WWOX: variants seen among roughly 807,000 people sequenced by gnomAD.
The protein encoded by WWOX is WW domain-containing oxidoreductase.
Under a neutral mutation model 46.2 loss-of-function variants are expected in WWOX, and 69 were observed. That is an observed-to-expected ratio of 1.49 (90% CI 1.23 to 1.82). The LOEUF is 1.82. Ranked by LOEUF, WWOX falls within the 40% of genes most tolerant of loss-of-function variation. The pLI, the probability that WWOX is intolerant of heterozygous loss-of-function variation, is 0.00. For synonymous variants in WWOX, 359 were observed against 202.6 expected (o/e 1.77, Z -6.56); for missense variants, 919 against 542.6 (o/e 1.69, Z -6.89).
At chr16:78,693,862 C>A (rs2048042984) in intron 8 of WWOX, among the ~76,000 whole-genome samples, 1 of 152,080 alleles carries the variant, frequency 6.6e-6, no homozygotes, top group South Asian at 2.1e-4. Context: ...CTCTCTTTTC[C>A]CACTGAAGTT....
Position 78,499,430 on chromosome 16 carries a change from T to A in WWOX, c.1056+66678T>A, listed in dbSNP as rs138275501. Among the ~76,000 whole-genome samples the A allele has an allele frequency of 8.8e-4, 134 of 152,330 alleles. No homozygotes were observed. In the South Asian group the frequency reaches 0.013, roughly 15 times the overall value. On this transcript the variant is annotated intron_variant, in intron 8 of 8. Transcript: ENST00000566780. ...TTTGTCTTTTGGCTTGTATCCCACC[T>A]GTTCACTTTTTACCATAGCTAACCT... is the stretch of plus-strand genomic sequence containing the variant.
chr16:78,272,575 C>A (rs1313721246), intron 5 of WWOX, among the ~76,000 whole-genome samples: 3 of 152,158 alleles, frequency 2.0e-5, no homozygotes, highest in Non-Finnish European at 1.5e-5. Flanking sequence ...TTGCAGCCAT[C>A]TTTATTCCAC....
intron 8 of WWOX, among the ~76,000 whole-genome samples, chr16:78,715,739 AATTCT>A (rs2142336857): frequency 6.6e-6 from 1 of 152,198 alleles, no homozygotes; most frequent in East Asian, 1.9e-4. Flanking sequence ...GGCCTCCCCA[AATTCT>A]GGGATTACAG....
At chr16:79,120,549 C>T (rs1042653279) in intron 8 of WWOX, among the ~76,000 whole-genome samples, 2 of 152,098 alleles carry the variant, frequency 1.3e-5, no homozygotes, top group African/African-American at 2.4e-5. Context: ...AACTGAGTGA[C>T]GTAAAACAGC....
In WWOX at chr16:78,750,785, G is replaced by C. The variant is rs576841601; in HGVS notation, c.1056+318033G>C. Reference sequence around the variant, plus strand: ...CTGCATTTATTCGCTCAGGATAATGGCTTCAAGCTGTATCCACGTTGCTGC... The same window carrying C: ...CTGCATTTATTCGCTCAGGATAATGCCTTCAAGCTGTATCCACGTTGCTGC... On this transcript the variant is annotated intron_variant, in intron 8 of 8. Transcript: ENST00000566780. 5.9e-5 allele frequency among the ~76,000 whole-genome samples: 9 copies of C among 152,210 alleles called. No homozygotes were observed. The East Asian group carries it at 1.7e-3, about 29-fold the overall frequency.
intron 8 of WWOX, among the ~76,000 whole-genome samples, chr16:78,940,735 T>G (rs759609625): frequency 6.6e-5 from 10 of 152,082 alleles, no homozygotes; most frequent in Non-Finnish European, 1.0e-4. Context: ...GGGTTACTTT[T>G]TTTTTCCCTT....
chr16:78,759,582 T>C (rs1217601260), intron 8 of WWOX, among the ~76,000 whole-genome samples: 2 of 152,094 alleles, frequency 1.3e-5, no homozygotes, highest in Non-Finnish European at 2.9e-5. Flanking sequence ...ACTAACCCTC[T>C]AAAGAATTCT....
intron 4 of WWOX, among the ~76,000 whole-genome samples, chr16:78,132,636 G>A (rs1254947275): frequency 6.6e-6 from 1 of 152,198 alleles, no homozygotes; most frequent in African/African-American, 2.4e-5. Context: ...AAAATGAGTA[G>A]CTAGTCTGAG....
At chr16:78,230,347 A>G (rs1002897244) in intron 5 of WWOX, among the ~76,000 whole-genome samples, 2 of 152,204 alleles carry the variant, frequency 1.3e-5, no homozygotes, top group African/African-American at 4.8e-5. Context: ...AGCTGTGTCC[A>G]TGATGTCTCT....
intron 8 of WWOX, among the ~76,000 whole-genome samples, chr16:79,161,190 T>C (rs2050479651): frequency 6.6e-6 from 1 of 152,152 alleles, no homozygotes; most frequent in Non-Finnish European, 1.5e-5. Flanking sequence ...TACCAATATA[T>C]TTGGTAAAAA....
chr16:78,748,274 AATAAAC>A (rs2049397050), intron 8 of WWOX, among the ~76,000 whole-genome samples: 1 of 152,192 alleles, frequency 6.6e-6, no homozygotes, highest in South Asian at 2.1e-4. Flanking sequence ...GCTCACCACA[AATAAAC>A]ATTTTAATCT....
intron 5 of WWOX, among the ~76,000 whole-genome samples, chr16:78,298,057 C>G (rs7200759): frequency 0.37 from 56,773 of 152,000 alleles, 10,921 homozygotes; most frequent in East Asian, 0.56. Context: ...CTCTGTACTT[C>G]TCTGTTTCTT....
chr16:78,967,221 C>G (rs1347420043), intron 8 of WWOX, among the ~76,000 whole-genome samples: 1 of 148,482 alleles, frequency 6.7e-6, no homozygotes, highest in Non-Finnish European at 1.5e-5. Flanking sequence ...TGATTCAAAT[C>G]ATGTTGCAAG....
At chr16:78,230,963 A>G (rs34626702) in intron 5 of WWOX, among the ~76,000 whole-genome samples, 18,970 of 152,274 alleles carry the variant, frequency 0.12, 1,376 homozygotes, top group Non-Finnish European at 0.16. Context: ...TGGATTTAAC[A>G]GGTATCTTTA....
chr16:78,256,396 C>T (rs1277456873), intron 5 of WWOX, among the ~76,000 whole-genome samples: 2 of 152,044 alleles, frequency 1.3e-5, no homozygotes, highest in Middle Eastern at 3.4e-3. Flanking sequence ...CCCTACCTTC[C>T]AGCTTCTCTT....
chr16:78,321,146 A>G (rs1275957018), intron 5 of WWOX, among the ~76,000 whole-genome samples: 2 of 152,076 alleles, frequency 1.3e-5, no homozygotes, highest in East Asian at 1.9e-4. Flanking sequence ...TTCTGTTGCA[A>G]AAAGGAATGT....
At chr16:78,519,397 C>T (rs1365815481) in intron 8 of WWOX, among the ~76,000 whole-genome samples, 1 of 152,040 alleles carries the variant, frequency 6.6e-6, no homozygotes, top group African/African-American at 2.4e-5. Context: ...TACCCTCTTC[C>T]CACGTCAGAC....
At chr16:78,309,167 C>G (rs911804381) in intron 5 of WWOX, among the ~76,000 whole-genome samples, 4 of 152,164 alleles carry the variant, frequency 2.6e-5, no homozygotes, top group Admixed American at 6.5e-5. Flanking sequence ...CCCACAATCC[C>G]GACATGTCAA....
intron 8 of WWOX, among the ~76,000 whole-genome samples, chr16:78,499,331 T>C (rs1434141033): frequency 6.6e-6 from 1 of 152,192 alleles, no homozygotes; most frequent in East Asian, 1.9e-4. Flanking sequence ...CTCTGTAGTC[T>C]TTCTGGATGG....
Sources: gnomAD v4.1 joint callset for allele counts (sites outside exome capture counted in the v4.1 genomes callset) on GRCh38, gnomAD v4.1.1 for gene constraint, MANE v1.5 for transcripts, NCBI Gene and HGNC (gene_info 2026-07-23, HGNC 2026-07-21) for gene names.